PCDHA3: variants seen among roughly 807,000 people sequenced by gnomAD.
PCDHA3 encodes protocadherin alpha-3.
In PCDHA3, 41 loss-of-function variants were observed where a neutral mutation model predicts 62.2. That is an observed-to-expected ratio of 0.66 (90% CI 0.51 to 0.86). PCDHA3 has a LOEUF of 0.86. Ranked by LOEUF, PCDHA3 falls within the 40% of genes least tolerant of loss-of-function variation. The pLI, the probability that PCDHA3 is intolerant of heterozygous loss-of-function variation, is 0.00. For synonymous variants in PCDHA3, 640 were observed against 555.4 expected (o/e 1.15, Z -2.14); for missense variants, 1,304 against 1,241.2 (o/e 1.05, Z -0.76).
intron 1 of PCDHA3, among the ~76,000 whole-genome samples, chr5:140,840,023 C>T (rs1776518555): frequency 6.6e-6 from 1 of 151,996 alleles, no homozygotes; most frequent in African/African-American, 2.4e-5. Flanking sequence ...CTCATGGTCA[C>T]GTAGCGTATC....
intron 1 of PCDHA3, chr5:140,926,622 G>A: frequency 2.5e-6 from 1 of 396,424 alleles, no homozygotes. Context: ...CCCCTAGGCG[G>A]CGCTGCGCTC....
intron 1 of PCDHA3, chr5:140,831,298 C>G (rs2150193348): frequency 1.3e-5 from 2 of 152,070 alleles, no homozygotes; most frequent in Non-Finnish European, 2.9e-5. Context: ...GAGTCTAAAT[C>G]TATTTCTTTG....
At chr5:140,849,558 C>T in intron 1 of PCDHA3, 1 of 1,598,598 alleles carries the variant, frequency 6.3e-7, no homozygotes, top group Non-Finnish European at 8.6e-7. Context: ...TATCAAAACG[C>T]TCTCGGTTCC....
intron 1 of PCDHA3, chr5:140,883,159 G>A (rs782151764): frequency 3.1e-6 from 5 of 1,613,846 alleles, no homozygotes; most frequent in Admixed American, 3.3e-5. Context: ...CCATAAATCC[G>A]AACAATGGAG....
intron 1 of PCDHA3, chr5:140,835,447 T>C (rs2150235866): frequency 2.5e-6 from 4 of 1,613,910 alleles, no homozygotes; most frequent in East Asian, 2.2e-5. Context: ...CTCACTTCCC[T>C]GTCTCTCCCT....
intron 1 of PCDHA3, among the ~76,000 whole-genome samples, chr5:140,976,335 G>T (rs1554237529): frequency 6.6e-6 from 1 of 152,140 alleles, no homozygotes; most frequent in East Asian, 1.9e-4. Flanking sequence ...TGGATTGCCT[G>T]AGGTCAGGTG....
At chr5:140,828,142 G>T in intron 1 of PCDHA3, 1 of 1,613,968 alleles carries the variant, frequency 6.2e-7, no homozygotes, top group Non-Finnish European at 8.5e-7. Flanking sequence ...TGCTCCTCCC[G>T]CTTCTGCTCC....
chr5:140,862,716 G>T, intron 1 of PCDHA3: 3 of 564,370 alleles, frequency 5.3e-6, no homozygotes, highest in Non-Finnish European at 1.0e-5. Flanking sequence ...GGGTGGGCGA[G>T]TGCGCGCTGT....
intron 1 of PCDHA3, chr5:140,824,167 T>G: frequency 6.2e-7 from 1 of 1,610,732 alleles, no homozygotes; most frequent in Non-Finnish European, 8.5e-7. Flanking sequence ...TCCCTCCCAA[T>G]TTTCAAATAT....
intron 1 of PCDHA3, among the ~76,000 whole-genome samples, chr5:140,977,356 T>C (rs1563455891): frequency 6.6e-6 from 1 of 152,250 alleles, no homozygotes; most frequent in African/African-American, 2.4e-5. Flanking sequence ...GACTGATTGA[T>C]AAAAAGTATT....
intron 1 of PCDHA3, chr5:140,968,002 G>A: frequency 6.2e-7 from 1 of 1,614,208 alleles, no homozygotes; most frequent in South Asian, 1.1e-5. Flanking sequence ...CTTTCCGACT[G>A]AATGGCTTTG....
intron 1 of PCDHA3, chr5:140,830,203 C>T: frequency 6.2e-7 from 1 of 1,613,778 alleles, no homozygotes; most frequent in Non-Finnish European, 8.5e-7. Context: ...TCATCGCCAT[C>T]TGCGCGGTAT....
intron 1 of PCDHA3, chr5:140,876,681 T>C: frequency 2.5e-6 from 4 of 1,614,180 alleles, no homozygotes; most frequent in South Asian, 1.1e-5. Flanking sequence ...CCTACAAGAA[T>C]TACTACTCGT....
intron 1 of PCDHA3, among the ~76,000 whole-genome samples, chr5:140,921,048 T>C (rs1554200052): frequency 6.6e-6 from 1 of 152,052 alleles, no homozygotes; most frequent in African/African-American, 2.4e-5. Context: ...GGGGCAATCA[T>C]AGCTCACTCT....
chr5:140,970,792 C>A (rs1554232742), intron 1 of PCDHA3, among the ~76,000 whole-genome samples: 2 of 152,036 alleles, frequency 1.3e-5, no homozygotes, highest in African/African-American at 4.8e-5. Flanking sequence ...TATGTAATAT[C>A]CATATTGTTA....
At chr5:140,876,928 A>C in intron 1 of PCDHA3, 1 of 1,613,812 alleles carries the variant, frequency 6.2e-7, no homozygotes, top group Non-Finnish European at 8.5e-7. Flanking sequence ...GGACGCGCAG[A>C]AGAACGCGCT....
intron 1 of PCDHA3, chr5:140,861,620 A>G: frequency 2.9e-6 from 1 of 340,898 alleles, no homozygotes; most frequent in South Asian, 2.8e-5. Context: ...ACAACCTGCC[A>G]GTGTTCTCAG....
chr5:140,929,272 T>C (rs560527071), intron 1 of PCDHA3: 1 of 1,607,152 alleles, frequency 6.2e-7, no homozygotes. Flanking sequence ...TTTGCCAATA[T>C]CCTGTATTCA....
intron 3 of PCDHA3, among the ~76,000 whole-genome samples, chr5:141,000,421 A>ATTTTTTTTTTT (rs34755515): frequency 3.6e-5 from 1 of 27,968 alleles, no homozygotes; most frequent in Non-Finnish European, 5.7e-5. Context: ...ATATATATAT[A>ATTTTTTTTTTT]TTTTTTTTTT....
Sources: allele counts gnomAD v4.1 joint callset (sites outside exome capture counted in the v4.1 genomes callset), GRCh38; gene constraint gnomAD v4.1.1; transcripts MANE v1.5; gene names NCBI Gene and HGNC (gene_info 2026-07-23, HGNC 2026-07-21).